Variants in PXDNL observed in about 807,000 individuals in gnomAD.
PXDNL encodes probable oxidoreductase PXDNL.
PXDNL carries 145 observed loss-of-function variants against 150.8 expected under a neutral mutation model. The observed-to-expected ratio is 0.96, with a 90% CI of 0.84 to 1.10. PXDNL has a LOEUF of 1.10. Ranked by LOEUF, PXDNL falls within the 50% of genes least tolerant of loss-of-function variation. The pLI is 0.00. For synonymous variants in PXDNL, 757 were observed against 725.7 expected, an observed-to-expected ratio of 1.04 and a Z score of -0.69; for missense variants, 2,087 against 1,873.9, an observed-to-expected ratio of 1.11 and a Z score of -2.10.
At chr8:51,322,730 A>G (rs1805363230) in intron 21 of PXDNL, among the ~76,000 whole-genome samples, 1 of 152,222 alleles carries the variant, frequency 6.6e-6, no homozygotes, top group African/African-American at 2.4e-5. Flanking sequence ...CTTCATTTAG[A>G]AAGCAAAAAG....
chr8:51,421,904 C>T (rs754024366), intron 14 of PXDNL, among the ~76,000 whole-genome samples: 2 of 152,174 alleles, frequency 1.3e-5, no homozygotes, highest in African/African-American at 2.4e-5. Context: ...CACTGAGGTT[C>T]GAAGATCCTA....
intron 1 of PXDNL, among the ~76,000 whole-genome samples, chr8:51,790,110 A>C (rs1427237154): frequency 1.3e-5 from 2 of 152,216 alleles, no homozygotes; most frequent in African/African-American, 4.8e-5. Context: ...AAAGGGGAAA[A>C]AAGCACAGTA....
chr8:51,765,285 T>C (rs1443202742), intron 1 of PXDNL, among the ~76,000 whole-genome samples: 2 of 152,134 alleles, frequency 1.3e-5, no homozygotes, highest in Non-Finnish European at 2.9e-5. Flanking sequence ...TCTCATGAGA[T>C]CTGATGGTCT....
chr8:51,775,512 A>C (rs2037342737), intron 1 of PXDNL, among the ~76,000 whole-genome samples: 1 of 152,214 alleles, frequency 6.6e-6, no homozygotes, highest in South Asian at 2.1e-4. Context: ...AAGCCATGGC[A>C]GAAGAACATA....
intron 12 of PXDNL, among the ~76,000 whole-genome samples, chr8:51,441,651 TA>T (rs1809552172): frequency 6.6e-6 from 1 of 152,086 alleles, no homozygotes; most frequent in African/African-American, 2.4e-5. Flanking sequence ...AGTCCCTCAG[TA>T]CTGGTACACA....
At chr8:51,688,374 G>A (rs191892660) in intron 1 of PXDNL, among the ~76,000 whole-genome samples, 28 of 152,238 alleles carry the variant, frequency 1.8e-4, no homozygotes, top group African/African-American at 6.7e-4. Flanking sequence ...TTTAGAAAGG[G>A]CATTCTGTTG....
chr8:51,796,426 G>T (rs2037561251), intron 1 of PXDNL, among the ~76,000 whole-genome samples: 1 of 149,410 alleles, frequency 6.7e-6, no homozygotes, highest in African/African-American at 2.5e-5. Context: ...TAGACTACTA[G>T]CTAGACTAAT....
At chr8:51,532,052 T>C (rs1477038705) in intron 4 of PXDNL, among the ~76,000 whole-genome samples, 1 of 151,410 alleles carries the variant, frequency 6.6e-6, no homozygotes, top group African/African-American at 2.5e-5. Context: ...TAGATCAAGA[T>C]TATAAATTGA....
At chr8:51,473,188 G>T (rs916354884) in intron 7 of PXDNL, among the ~76,000 whole-genome samples, 4 of 151,458 alleles carry the variant, frequency 2.6e-5, no homozygotes, top group African/African-American at 9.7e-5. Context: ...CAGACAAGGC[G>T]CTAGGACTAG....
intron 12 of PXDNL, among the ~76,000 whole-genome samples, chr8:51,446,434 C>A (rs955989043): frequency 6.6e-6 from 1 of 152,142 alleles, no homozygotes; most frequent in Admixed American, 6.5e-5. Context: ...TAATAACAAC[C>A]ATTTTTCATT....
At chr8:51,650,375 C>T (rs547852862) in intron 2 of PXDNL, among the ~76,000 whole-genome samples, 26 of 152,222 alleles carry the variant, frequency 1.7e-4, no homozygotes, top group African/African-American at 5.5e-4. Flanking sequence ...CCACCCAAAA[C>T]GTTTCTGCCA....
chr8:51,787,558 G>A (rs938778762), intron 1 of PXDNL, among the ~76,000 whole-genome samples: 1 of 152,200 alleles, frequency 6.6e-6, no homozygotes, highest in Non-Finnish European at 1.5e-5. Flanking sequence ...AATTTGAAGT[G>A]GAGCCTGTGA....
At chr8:51,569,762 C>A (rs1333627536) in intron 3 of PXDNL, among the ~76,000 whole-genome samples, 1 of 151,704 alleles carries the variant, frequency 6.6e-6, no homozygotes, top group East Asian at 1.9e-4. Flanking sequence ...AATCTAAAAT[C>A]AAATTAGTAC....
At chr8:51,602,827 G>T (rs527301227) in intron 2 of PXDNL, among the ~76,000 whole-genome samples, 49 of 150,624 alleles carry the variant, frequency 3.3e-4, no homozygotes, top group Non-Finnish European at 6.8e-4. Context: ...TTTCTTTATT[G>T]TTTTTATTAT....
chr8:51,652,061 T>C (rs146622023), intron 2 of PXDNL, among the ~76,000 whole-genome samples: 17 of 152,306 alleles, frequency 1.1e-4, no homozygotes, highest in Admixed American at 1.1e-3. Flanking sequence ...AGCAATGTGG[T>C]TGGCATTTTT....
intron 1 of PXDNL, among the ~76,000 whole-genome samples, chr8:51,695,910 C>A (rs567183307): frequency 3.5e-4 from 54 of 152,252 alleles, no homozygotes; most frequent in African/African-American, 1.2e-3. Flanking sequence ...GTTTGGACAA[C>A]CAGCTTTTGC....
At chr8:51,345,303 A>G (rs892811199) in intron 20 of PXDNL, among the ~76,000 whole-genome samples, 5 of 152,202 alleles carry the variant, frequency 3.3e-5, no homozygotes, top group African/African-American at 1.2e-4. Flanking sequence ...AACACTTTGT[A>G]TCAAGCTAAT....
intron 4 of PXDNL, among the ~76,000 whole-genome samples, chr8:51,536,570 C>T (rs189334355): frequency 5.3e-5 from 8 of 150,886 alleles, no homozygotes; most frequent in Non-Finnish European, 1.2e-4. Context: ...GGAACAGGCA[C>T]GACAGTGCCC....
At chr8:51,787,734 T>C (rs535485560) in intron 1 of PXDNL, among the ~76,000 whole-genome samples, 5 of 152,230 alleles carry the variant, frequency 3.3e-5, no homozygotes, top group Non-Finnish European at 7.3e-5. Flanking sequence ...ATCAACTTAG[T>C]TGATAAGGCA....
Sources: gnomAD v4.1 joint callset for allele counts (sites outside exome capture counted in the v4.1 genomes callset) on GRCh38, gnomAD v4.1.1 for gene constraint, MANE v1.5 for transcripts, NCBI Gene and HGNC (gene_info 2026-07-23, HGNC 2026-07-21) for gene names.